The following PCDHA7 variants were observed in gnomAD, a reference collection of about 807,000 sequenced individuals.
PCDHA7 encodes protocadherin alpha-7.
Under a neutral mutation model 57.2 loss-of-function variants are expected in PCDHA7, and 37 were observed. The observed-to-expected ratio is 0.65, with a 90% CI of 0.50 to 0.85. PCDHA7 has a LOEUF of 0.85. Among genes scored for constraint, PCDHA7 ranks in the 40% least tolerant of loss-of-function variants. The probability of loss-of-function intolerance (pLI) is 0.00; values close to 1 mark genes in which losing one functional copy is unlikely to be tolerated. For synonymous variants in PCDHA7, 553 were observed against 558.8 expected (o/e 0.99, Z 0.15); for missense variants, 1,188 against 1,241.8 (o/e 0.96, Z 0.65).
intron 1 of PCDHA7, among the ~76,000 whole-genome samples, chr5:140,970,696 C>T (rs2096425637): frequency 6.6e-6 from 1 of 152,144 alleles, no homozygotes; most frequent in Admixed American, 6.5e-5. Flanking sequence ...GCTTTTAGAG[C>T]TACTACACAA....
chr5:140,883,004 G>A (rs1554176457), intron 1 of PCDHA7: 1 of 1,614,118 alleles, frequency 6.2e-7, no homozygotes, highest in East Asian at 2.2e-5. Flanking sequence ...TTACCAATCC[G>A]TTTATAAAGT....
intron 1 of PCDHA7, chr5:140,858,421 G>A (rs782781172): frequency 1.3e-6 from 2 of 1,557,082 alleles, no homozygotes; most frequent in Non-Finnish European, 1.7e-6. Flanking sequence ...CTATTGGAGG[G>A]GACCACTCTA....
intron 1 of PCDHA7, chr5:140,875,523 G>A (rs782796444): frequency 6.2e-7 from 1 of 1,613,992 alleles, no homozygotes; most frequent in South Asian, 1.1e-5. Flanking sequence ...TGCTGCTCTC[G>A]CTTCTGCTCC....
chr5:140,843,914 A>C, intron 1 of PCDHA7: 1 of 621,414 alleles, frequency 1.6e-6, no homozygotes, highest in Non-Finnish European at 2.8e-6. Flanking sequence ...AGTTGGGTCT[A>C]TCTTGAAACT....
chr5:140,835,550 G>A lies in PCDHA7; in HGVS notation c.1167G>A (p.Leu389=), dbSNP rs2150238001. 6.2e-7 allele frequency: 1 copy of A among 1,613,928 alleles called. No homozygotes were observed. The highest frequency in any genetic ancestry group is 1.1e-5 in the South Asian group (1 of 91,074). ...TCAACGGACAGGTTACCTGCTCCCT[G>A]ACGCCCCGCGTTCCCTTCAAGTTGG... The part of the protein sequence containing the change: ...FGVNGQVTCS[L]TPRVPFKLVS... The change falls in exon 1 of 4, where the codon CTG becomes CTA. Residue 389 remains leucine (L), a synonymous_variant. Transcript: ENST00000525929.
intron 1 of PCDHA7, among the ~76,000 whole-genome samples, chr5:140,898,043 T>A (rs1554187781): frequency 6.6e-6 from 1 of 152,148 alleles, no homozygotes; most frequent in African/African-American, 2.4e-5. Context: ...GTTGTTTGTT[T>A]TTTTCTTGTA....
chr5:140,852,884 T>TA lies in PCDHA7; in HGVS notation c.2355+16147dup, dbSNP rs1237249071. On this transcript the variant is annotated intron_variant, in intron 1 of 3. Transcript: ENST00000525929. ...CTATGTCATCAATAATCATAAAACG[T>TA]ATTTTTTTTTTTGAGTCAGAGTCTC... The TA allele has an allele frequency of 2.1e-6, 2 of 931,694 alleles. 1 individual carries two copies. The highest frequency in any genetic ancestry group is 3.6e-5 in the African/African-American group (2 of 55,516). The allele number at this position is 931,694 out of a possible 1,614,324, so 57.7% of individuals were successfully genotyped here.
rs1252148937 is a variant in PCDHA7 at position 141,009,582 on chromosome 5, G to T, written c.2504-45G>T. On this transcript the variant is annotated intron_variant, in intron 3 of 3. Coordinates refer to ENST00000525929, the MANE Select transcript of PCDHA7 (RefSeq NM_018910.3). ...CTCTACCAGCAGTGTGGCATCAAGA[G>T]CATGTGTTGACCCTGTTAATGATTT... 16 of 1,590,108 alleles carry T rather than the reference G, an allele frequency of 1.0e-5. No homozygotes were observed. In the African/African-American group the frequency reaches 2.0e-4, roughly 20 times the overall value.
chr5:140,836,151 G>T lies in PCDHA7; in HGVS notation c.1768G>T (p.Val590Leu), dbSNP rs2150254234. The T allele has an allele frequency of 1.9e-6, 3 of 1,613,828 alleles. No individual in the cohort carries two copies. The highest frequency in any genetic ancestry group is 3.3e-4 in the Middle Eastern group (2 of 6,062). ...GCCGCGGTCTGTGGGCGCGGGCCATGTGGTGGCGAAGGTACGTGCAGTTGA... is the reference window on the plus strand; with the variant it reads ...GCCGCGGTCTGTGGGCGCGGGCCATTTGGTGGCGAAGGTACGTGCAGTTGA... ...LVPRSVGAGH[V>L]VAKVRAVDAD... is the part of the protein sequence containing the mutation. Residue 590 changes from valine to leucine, a missense_variant, in exon 1 of 4, where the codon GTG becomes TTG. By Grantham distance (32) the Val-to-Leu change is conservative (BLOSUM62 1). Transcript: ENST00000525929.
At chr5:140,981,169 C>T (rs2096920797) in intron 2 of PCDHA7, among the ~76,000 whole-genome samples, 1 of 152,170 alleles carries the variant, frequency 6.6e-6, no homozygotes, top group Admixed American at 6.5e-5. Context: ...GTTGCCTTCC[C>T]TCTAATAGTT....
chr5:140,950,523 T>C (rs1289314937), intron 1 of PCDHA7, among the ~76,000 whole-genome samples: 2 of 152,094 alleles, frequency 1.3e-5, no homozygotes, highest in African/African-American at 4.8e-5. Flanking sequence ...TGCGATATGA[T>C]TGTTTTTGTT....
At chr5:141,005,315 G>A (rs1554259986) in intron 3 of PCDHA7, among the ~76,000 whole-genome samples, 1 of 152,186 alleles carries the variant, frequency 6.6e-6, no homozygotes, top group Non-Finnish European at 1.5e-5. Flanking sequence ...TCTTACAGTG[G>A]TAGAGAATAA....
intron 1 of PCDHA7, chr5:140,926,550 C>A (rs1235832737): frequency 1.7e-5 from 4 of 233,488 alleles, no homozygotes; most frequent in Admixed American, 5.6e-5. Context: ...TGGTCGAGAC[C>A]CCAGCCCGCT....
Position 140,857,574 on chromosome 5 carries a change from T to G in PCDHA7, c.2355+20836T>G, listed in dbSNP as rs1452756689. On this transcript the variant is annotated intron_variant, in intron 1 of 3. Coordinates refer to ENST00000525929, the MANE Select transcript of PCDHA7 (RefSeq NM_018910.3). ...CGCTCGCTGTCGAGCTACGTGTCGGTGCACGCGGAGAGCGGCAAGGTGTAC... is the reference window on the plus strand; with the variant it reads ...CGCTCGCTGTCGAGCTACGTGTCGGGGCACGCGGAGAGCGGCAAGGTGTAC... 26 of 1,596,616 alleles carry G rather than the reference T, an allele frequency of 1.6e-5. 3 individuals carry two copies. Among genetic ancestry groups the G allele is most frequent in the Non-Finnish European group, 2.1e-5 (25 of 1,167,676 alleles).
intron 3 of PCDHA7, among the ~76,000 whole-genome samples, chr5:140,988,221 T>A (rs1554249982): frequency 6.6e-6 from 1 of 152,016 alleles, no homozygotes; most frequent in Non-Finnish European, 1.5e-5. Context: ...AAAAATGAGA[T>A]CAGGGATCTA....
chr5:140,929,226 C>G lies in PCDHA7; in HGVS notation c.2356-49723C>G, dbSNP rs782065898. ...TGTTGCGTGGGGAGTACAATGCTGC[C>G]GACCTGCGAAATCTTGCCACTGGGG... is the stretch of plus-strand genomic sequence containing the variant. On this transcript the variant is annotated intron_variant, in intron 1 of 3. Transcript: ENST00000525929. 5.0e-6 allele frequency: 8 copies of G among 1,613,768 alleles called. No homozygotes were observed. In the South Asian group the frequency reaches 8.8e-5, roughly 18 times the overall value.
intron 1 of PCDHA7, chr5:140,883,465 C>T: frequency 6.2e-7 from 1 of 1,614,156 alleles, no homozygotes; most frequent in South Asian, 1.1e-5. Context: ...AGCTGGTGTC[C>T]ACCTACAAGA....
rs781859537 is a variant in PCDHA7, at chr5:140,858,340, G to A, written c.2355+21602G>A. Reference sequence around the variant, plus strand: ...TGTGTTCTGGGGAGGGCCTGCCCAAGGCGGACCTCATGGCCTTCAGCCCCA... The same window carrying A: ...TGTGTTCTGGGGAGGGCCTGCCCAAAGCGGACCTCATGGCCTTCAGCCCCA... On this transcript the variant is annotated intron_variant, in intron 1 of 3. Coordinates refer to ENST00000525929, the MANE Select transcript of PCDHA7 (RefSeq NM_018910.3). The A allele has an allele frequency of 1.2e-5, 19 of 1,595,540 alleles. No individual in the cohort carries two copies. In the South Asian group the frequency reaches 1.3e-4, roughly 11 times the overall value.
At chr5:140,943,608 T>C (rs1585137347) in intron 1 of PCDHA7, among the ~76,000 whole-genome samples, 1 of 152,184 alleles carries the variant, frequency 6.6e-6, no homozygotes, top group Non-Finnish European at 1.5e-5. Flanking sequence ...ATATAGACTT[T>C]GATTCATCTG....
Sources: gnomAD v4.1 joint callset for allele counts (sites outside exome capture counted in the v4.1 genomes callset) on GRCh38, gnomAD v4.1.1 for gene constraint, MANE v1.5 for transcripts, NCBI Gene and HGNC (gene_info 2026-07-23, HGNC 2026-07-21) for gene names.